CDH18: variants seen among roughly 807,000 people sequenced by gnomAD.
The protein encoded by CDH18 is cadherin 18.
CDH18 carries 31 observed loss-of-function variants against 67.9 expected under a neutral mutation model. The ratio of observed to expected loss-of-function variants is 0.46; its 90% CI spans 0.34 to 0.62. CDH18 has a LOEUF of 0.62. Among genes scored for constraint, CDH18 ranks in the 20% least tolerant of loss-of-function variants. The pLI is 0.01. For missense variants in CDH18, 890 were observed against 975.5 expected, an observed-to-expected ratio of 0.91 and a Z score of 1.17; for synonymous variants, 362 against 347.2, an observed-to-expected ratio of 1.04 and a Z score of -0.48.
intron 2 of CDH18, among the ~76,000 whole-genome samples, chr5:20,001,906 G>A (rs1371996337): frequency 1.3e-5 from 2 of 152,078 alleles, no homozygotes; most frequent in Admixed American, 1.3e-4. Context: ...CAGTCACATT[G>A]AGCATACACA....
intron 1 of CDH18, among the ~76,000 whole-genome samples, chr5:20,347,275 C>G (rs1348152815): frequency 6.6e-6 from 1 of 152,164 alleles, no homozygotes; most frequent in African/African-American, 2.4e-5. Flanking sequence ...TGGCACCCCA[C>G]ATGGACAAGT....
At chr5:19,587,654 CT>C (rs35589745) in intron 7 of CDH18, among the ~76,000 whole-genome samples, 5 of 148,534 alleles carry the variant, frequency 3.4e-5, no homozygotes, top group African/African-American at 7.4e-5. Flanking sequence ...GTCTGTGTGT[CT>C]TTTTTTTTTG....
intron 10 of CDH18, among the ~76,000 whole-genome samples, chr5:19,516,753 G>T (rs1243847194): frequency 6.6e-6 from 1 of 151,358 alleles, no homozygotes; most frequent in East Asian, 1.9e-4. Context: ...TTCCTTATTA[G>T]TCTTGCTAGT....
intron 2 of CDH18, among the ~76,000 whole-genome samples, chr5:20,071,897 G>C (rs1743508332): frequency 6.6e-6 from 1 of 152,032 alleles, no homozygotes; most frequent in African/African-American, 2.4e-5. Flanking sequence ...GAGTTTAGAT[G>C]AATTTTCCTT....
chr5:19,678,874 A>G (rs1228859767), intron 5 of CDH18, among the ~76,000 whole-genome samples: 1 of 151,836 alleles, frequency 6.6e-6, no homozygotes, highest in Non-Finnish European at 1.5e-5. Flanking sequence ...CCAAATGTAT[A>G]AAGAGTTGTT....
chr5:20,097,912 C>T (rs1307959479), intron 2 of CDH18, among the ~76,000 whole-genome samples: 1 of 151,916 alleles, frequency 6.6e-6, no homozygotes, highest in East Asian at 1.9e-4. Context: ...TGATAGTAAA[C>T]TTCTTTATTG....
At chr5:20,496,497 T>G (rs150424504) in intron 1 of CDH18, among the ~76,000 whole-genome samples, 2 of 152,292 alleles carry the variant, frequency 1.3e-5, no homozygotes, top group African/African-American at 4.8e-5. Context: ...GAATTGAATA[T>G]ACCATTATTT....
chr5:19,842,885 G>A (rs2150041560), intron 2 of CDH18, among the ~76,000 whole-genome samples: 1 of 152,240 alleles, frequency 6.6e-6, no homozygotes, highest in Admixed American at 6.5e-5. Flanking sequence ...TGGAGAAAAG[G>A]TCACTCTTGC....
chr5:20,147,968 A>G (rs1183142905), intron 2 of CDH18, among the ~76,000 whole-genome samples: 1 of 152,178 alleles, frequency 6.6e-6, no homozygotes, highest in Non-Finnish European at 1.5e-5. Context: ...AAGTGGCCAA[A>G]TAAGAGTGAA....
At chr5:19,745,501 C>T (rs924251496) in intron 4 of CDH18, among the ~76,000 whole-genome samples, 2 of 152,154 alleles carry the variant, frequency 1.3e-5, no homozygotes, top group African/African-American at 2.4e-5. Flanking sequence ...CCATAGAGCT[C>T]GTTGCCTTCC....
At chr5:19,666,429 C>G (rs913787267) in intron 5 of CDH18, among the ~76,000 whole-genome samples, 2 of 151,608 alleles carry the variant, frequency 1.3e-5, no homozygotes, top group Non-Finnish European at 2.9e-5. Flanking sequence ...TTTTGATAAT[C>G]CATTGTAAAA....
intron 2 of CDH18, among the ~76,000 whole-genome samples, chr5:20,123,186 G>C (rs1306293698): frequency 1.3e-5 from 2 of 152,052 alleles, no homozygotes; most frequent in African/African-American, 2.4e-5. Flanking sequence ...GGAAATATAA[G>C]GAACATACGT....
intron 3 of CDH18, among the ~76,000 whole-genome samples, chr5:19,788,493 C>T (rs1471914246): frequency 6.6e-6 from 1 of 152,140 alleles, no homozygotes; most frequent in Non-Finnish European, 1.5e-5. Flanking sequence ...GCATATTTCA[C>T]TTGACTATGA....
At chr5:20,420,599 C>T (rs1267853486) in intron 1 of CDH18, among the ~76,000 whole-genome samples, 1 of 151,014 alleles carries the variant, frequency 6.6e-6, no homozygotes, top group East Asian at 1.9e-4. Flanking sequence ...ATATTACTTG[C>T]CTGGCAGTAA....
At chr5:19,910,838 A>G (rs993566109) in intron 2 of CDH18, among the ~76,000 whole-genome samples, 4 of 152,270 alleles carry the variant, frequency 2.6e-5, no homozygotes, top group South Asian at 2.1e-4. Context: ...CAATAACTGC[A>G]TAAATAATAA....
intron 2 of CDH18, among the ~76,000 whole-genome samples, chr5:20,200,653 G>A (rs1349197572): frequency 6.6e-6 from 1 of 151,958 alleles, no homozygotes; most frequent in African/African-American, 2.4e-5. Context: ...TCCAGCCTGG[G>A]CAACAGAGTG....
intron 3 of CDH18, among the ~76,000 whole-genome samples, chr5:19,793,540 G>A (rs1776575594): frequency 6.6e-6 from 1 of 151,974 alleles, no homozygotes; most frequent in African/African-American, 2.4e-5. Flanking sequence ...ACATACCACG[G>A]CTTACTCACA....
At chr5:19,514,073 A>G (rs347719) in intron 10 of CDH18, among the ~76,000 whole-genome samples, 18,860 of 151,854 alleles carry the variant, frequency 0.12, 1,330 homozygotes, top group Non-Finnish European at 0.13. Flanking sequence ...TCCAATTCCC[A>G]CCTATGAGTG....
At chr5:20,487,164 T>C (rs911871073) in intron 1 of CDH18, among the ~76,000 whole-genome samples, 2 of 152,152 alleles carry the variant, frequency 1.3e-5, no homozygotes, top group African/African-American at 4.8e-5. Flanking sequence ...TTTCCCATGG[T>C]ACTGGCTCTA....
Sources: gnomAD v4.1 joint callset for allele counts (sites outside exome capture counted in the v4.1 genomes callset) on GRCh38, gnomAD v4.1.1 for gene constraint, MANE v1.5 for transcripts, NCBI Gene and HGNC (gene_info 2026-07-23, HGNC 2026-07-21) for gene names.